CLTCL1: variants seen among roughly 807,000 people sequenced by gnomAD.
CLTCL1 encodes clathrin heavy chain 2.
In CLTCL1, 159 loss-of-function variants were observed where a neutral mutation model predicts 190.0. The ratio of observed to expected loss-of-function variants is 0.84; its 90% CI spans 0.74 to 0.95. The LOEUF (loss-of-function observed/expected upper bound fraction) is 0.95, where lower values mean the gene tolerates loss of function less well. Among genes scored for constraint, CLTCL1 ranks in the 40% least tolerant of loss-of-function variants. The probability of loss-of-function intolerance (pLI) is 0.00; values close to 1 mark genes in which losing one functional copy is unlikely to be tolerated. For missense variants in CLTCL1, 1,878 were observed against 2,033.4 expected, an observed-to-expected ratio of 0.92 and a Z score of 1.47; for synonymous variants, 752 against 769.6, an observed-to-expected ratio of 0.98 and a Z score of 0.38.
rs1569174006 is a variant in CLTCL1, at chr22:19,210,306, G to A, written c.3249+20C>T. Reference sequence around the variant, plus strand: ...TGGCAGAAGGTGCTAGGTCCGACATGCTTACACTCAGCAGCCCACCTGGAT... The same window carrying A: ...TGGCAGAAGGTGCTAGGTCCGACATACTTACACTCAGCAGCCCACCTGGAT... On this transcript the variant is annotated intron_variant, in intron 20 of 32. Coordinates refer to ENST00000427926, the MANE Select transcript of CLTCL1 (RefSeq NM_007098.4). 1 of 1,611,096 alleles carries A rather than the reference G, an allele frequency of 6.2e-7. No homozygotes were observed. The highest frequency in any genetic ancestry group is 8.5e-7 in the Non-Finnish European group (1 of 1,177,920).
intron 22 of CLTCL1, among the ~76,000 whole-genome samples, chr22:19,205,705 T>C (rs1026444732): frequency 1.1e-4 from 16 of 152,200 alleles, no homozygotes; most frequent in Admixed American, 1.3e-4. Flanking sequence ...ATTTCAAATA[T>C]TTATGTATTA....
chr22:19,257,702 C>T, intron 2 of CLTCL1: 3 of 930,072 alleles, frequency 3.2e-6, no homozygotes, highest in Non-Finnish European at 4.6e-6. Flanking sequence ...GCTTGGGGTC[C>T]AGGGCCCTGG....
intron 6 of CLTCL1, 129 bp downstream of exon 6, chr22:19,235,565 CAT>C: frequency 1.2e-6 from 1 of 800,866 alleles, no homozygotes; most frequent in Non-Finnish European, 2.0e-6. Context: ...AAGGAGGAGA[CAT>C]GGGTTTAAGT....
intron 2 of CLTCL1, among the ~76,000 whole-genome samples, chr22:19,268,406 A>G (rs1359101552): frequency 3.3e-5 from 5 of 152,228 alleles, no homozygotes; most frequent in African/African-American, 4.8e-5. Context: ...TAGGAGAATG[A>G]AAAGACAAGG....
intron 1 of CLTCL1, among the ~76,000 whole-genome samples, chr22:19,282,346 T>C (rs1474456707): frequency 2.7e-5 from 3 of 110,008 alleles, no homozygotes; most frequent in African/African-American, 1.1e-4. Context: ...AAAAAAGAAA[T>C]AGGCAATGGG....
At chr22:19,248,030 C>T (rs1430416532) in intron 3 of CLTCL1, among the ~76,000 whole-genome samples, 8 of 151,862 alleles carry the variant, frequency 5.3e-5, no homozygotes, top group African/African-American at 1.7e-4. Context: ...GGCATGGTGG[C>T]TCACACCTGT....
Position 19,210,264 on chromosome 22 carries a change from A to G in CLTCL1, c.3249+62T>C, listed in dbSNP as rs1375512712. ...ACCCTTGGAGAGGACAAGGGCTTGCAGGGCGCACTCATGATGTGGCAGAAG... is the reference window on the plus strand; with the variant it reads ...ACCCTTGGAGAGGACAAGGGCTTGCGGGGCGCACTCATGATGTGGCAGAAG... On this transcript the variant is annotated intron_variant, in intron 20 of 32. Transcript: ENST00000427926. 6 of 1,524,630 alleles carry G rather than the reference A, an allele frequency of 3.9e-6. No homozygotes were observed. In the African/African-American group the frequency reaches 6.8e-5, roughly 17 times the overall value. The allele number at this position is 1,524,630 out of a possible 1,614,324, so 94.4% of individuals were successfully genotyped here. A position where few individuals can be genotyped will look rare whatever the true frequency, so the allele number is the denominator to read the frequency against.
intron 27 of CLTCL1, among the ~76,000 whole-genome samples, chr22:19,190,504 C>T (rs1307607055): frequency 1.4e-5 from 2 of 146,884 alleles, no homozygotes; most frequent in Admixed American, 7.1e-5. Context: ...GAGGCCAAGG[C>T]GGGAAGATTG....
chr22:19,274,933 G>T (rs1284793505), intron 2 of CLTCL1, among the ~76,000 whole-genome samples: 1 of 151,816 alleles, frequency 6.6e-6, no homozygotes, highest in Non-Finnish European at 1.5e-5. Flanking sequence ...TCTCCATGTT[G>T]GTCAGGCTAG....
rs782699803 is a variant in CLTCL1, at chr22:19,219,867, C to T, written c.2919+18G>A. On this transcript the variant is annotated intron_variant, in intron 18 of 32. Coordinates refer to ENST00000427926, the MANE Select transcript of CLTCL1 (RefSeq NM_007098.4). ...GGCAAAATGCAGGTGTGCAGACATA[C>T]CCATCTCTGTGCCTCACCTGGTCAA... 1 of 1,613,878 alleles carries T rather than the reference C, an allele frequency of 6.2e-7. No homozygotes were observed. The highest frequency in any genetic ancestry group is 8.5e-7 in the Non-Finnish European group (1 of 1,179,874).
intron 26 of CLTCL1, among the ~76,000 whole-genome samples, chr22:19,195,908 G>A (rs188511977): frequency 6.6e-6 from 1 of 152,276 alleles, no homozygotes; most frequent in East Asian, 1.9e-4. Context: ...AGTGGGGGTG[G>A]GAGCCCTGAG....
At chr22:19,191,508 C>T (rs895654030) in intron 26 of CLTCL1, 73 bp from the exon 27 acceptor site, 36 of 1,575,668 alleles carry the variant, frequency 2.3e-5, no homozygotes, top group South Asian at 3.4e-5. Flanking sequence ...CCAGTTTTTG[C>T]TCAAATGACA....
chr22:19,226,115 TCAGGCCACAGTTCCA>T (rs782627215), intron 12 of CLTCL1, 89 bp downstream of exon 12: 327 of 1,322,836 alleles, frequency 2.5e-4, no homozygotes, highest in Admixed American at 3.7e-4. Context: ...AGTGACAGGC[TCAGGCCACAGTTCCA>T]CAATCACCAA....
intron 29 of CLTCL1, among the ~76,000 whole-genome samples, chr22:19,185,392 T>G (rs1247621268): frequency 6.6e-6 from 1 of 150,864 alleles, no homozygotes; most frequent in Non-Finnish European, 1.5e-5. Flanking sequence ...AGTGGCGTGA[T>G]CTCTGCTCAC....
chr22:19,201,352 T>C lies in CLTCL1; in HGVS notation c.3742A>G (p.Ser1248Gly). ...ACCTCCTTCCACGTCCGGGTGCTGC[T>C]GGCCTTGCGGCTGTTGTCCACTGCT... Reference protein sequence around the residue: ...QAAVDNSRKASSTRTWKEVCF... With the variant: ...QAAVDNSRKAGSTRTWKEVCF... Residue 1248 changes from serine (S) to glycine (G), a missense_variant, in exon 23 of 33, where the codon AGC becomes GGC. Transcript: ENST00000427926. 6.2e-7 allele frequency: 1 copy of C among 1,613,002 alleles called. No individual in the cohort carries two copies. The highest frequency in any genetic ancestry group is 8.5e-7 in the Non-Finnish European group (1 of 1,179,666).
At chr22:19,252,762 C>G (rs1297191326) in intron 3 of CLTCL1, among the ~76,000 whole-genome samples, 1 of 152,188 alleles carries the variant, frequency 6.6e-6, no homozygotes, top group Non-Finnish European at 1.5e-5. Flanking sequence ...CGCCTGTAAT[C>G]CCAGCACTTT....
At chr22:19,260,390 G>T (rs561794169) in intron 2 of CLTCL1, among the ~76,000 whole-genome samples, 1 of 151,946 alleles carries the variant, frequency 6.6e-6, no homozygotes, top group African/African-American at 2.4e-5. Context: ...CAGAAGACAG[G>T]TTAACTCTCT....
At chr22:19,216,017 T>TGGGTGAAGC in intron 19 of CLTCL1, 94 bp downstream of exon 19, 1 of 1,242,836 alleles carries the variant, frequency 8.0e-7, no homozygotes, top group East Asian at 2.5e-5. Context: ...GCAGGCTGGA[T>TGGGTGAAGC]GGGTGAAGCG....
At chr22:19,246,261 C>T (rs1555967905) in intron 3 of CLTCL1, among the ~76,000 whole-genome samples, 2 of 151,840 alleles carry the variant, frequency 1.3e-5, no homozygotes, top group Admixed American at 6.6e-5. Flanking sequence ...AGGGTTTCAC[C>T]GTGTTAGCCA....
Sources: allele counts gnomAD v4.1 joint callset (sites outside exome capture counted in the v4.1 genomes callset), GRCh38; gene constraint gnomAD v4.1.1; transcripts MANE v1.5; gene names NCBI Gene and HGNC (gene_info 2026-07-23, HGNC 2026-07-21).